The following LAP3 variants were observed in gnomAD, a reference collection of about 807,000 sequenced individuals.
LAP3 encodes leucine aminopeptidase 3, also known as cytosol aminopeptidase.
A neutral mutation model predicts 58.8 loss-of-function variants in LAP3; 46 were observed. That is an observed-to-expected ratio of 0.78 (90% CI 0.62 to 1.00). The LOEUF is 1.00. LAP3 is among the 50% of genes least tolerant of loss of function. The pLI is 0.00. For missense variants in LAP3, 615 were observed against 659.1 expected (o/e 0.93, Z 0.73); for synonymous variants, 257 against 237.7 (o/e 1.08, Z -0.75).
At chr4:17,603,303 G>C (rs1714025272) in intron 10 of LAP3, among the ~76,000 whole-genome samples, 1 of 151,860 alleles carries the variant, frequency 6.6e-6, no homozygotes, top group Non-Finnish European at 1.5e-5. Flanking sequence ...GCAAGACTCT[G>C]TCTCAAAAAA....
Position 17,584,991 on chromosome 4 carries a change from C to G in LAP3, c.559C>G (p.Gln187Glu). ...LYGSGDQEAW[Q>E]KGVLFASGQN... Reference sequence around the variant, plus strand: ...TGCCAGTGGGGATCAGGAGGCCTGGCAGAAAGGAGTCCTGTTTGCTTCTGG... The same window carrying G: ...TGCCAGTGGGGATCAGGAGGCCTGGGAGAAAGGAGTCCTGTTTGCTTCTGG... The change falls in exon 6 of 13, where the codon CAG becomes GAG. Residue 187 changes from glutamine (Q) to glutamate (E), a missense_variant. By Grantham distance (29) the Gln-to-Glu change is conservative. Coordinates refer to ENST00000226299, the MANE Select transcript of LAP3 (RefSeq NM_015907.3). 6.2e-7 allele frequency: 1 copy of G among 1,613,898 alleles called. No homozygotes were observed. Among genetic ancestry groups the G allele is most frequent in the Non-Finnish European group, 8.5e-7 (1 of 1,179,914 alleles).
chr4:17,589,810 G>A (rs1158134757), intron 7 of LAP3, among the ~76,000 whole-genome samples: 1 of 152,214 alleles, frequency 6.6e-6, no homozygotes, highest in Non-Finnish European at 1.5e-5. Context: ...CTCTGTGGCT[G>A]TTAAAGATTC....
chr4:17,593,197 C>T (rs1026111093), intron 7 of LAP3, among the ~76,000 whole-genome samples: 1 of 152,126 alleles, frequency 6.6e-6, no homozygotes, highest in Admixed American at 6.5e-5. Context: ...GTTGGCTTTA[C>T]AGAATTGTAA....
intron 6 of LAP3, 111 bp downstream of exon 6, chr4:17,585,247 T>A: frequency 1.2e-6 from 1 of 864,260 alleles, no homozygotes; most frequent in Non-Finnish European, 1.8e-6. Flanking sequence ...ACCAGAGATT[T>A]GAGATGACCC....
chr4:17,579,786 C>G (rs762572684), intron 1 of LAP3, 38 bp from the exon 2 acceptor site: 2 of 1,209,656 alleles, frequency 1.7e-6, no homozygotes, highest in East Asian at 2.4e-5. Flanking sequence ...GGGATCTACT[C>G]TAATTCTATT....
chr4:17,581,669 A>G (rs1370435914), intron 2 of LAP3, 91 bp from the exon 3 acceptor site: 13 of 887,826 alleles, frequency 1.5e-5, no homozygotes, highest in Non-Finnish European at 2.4e-5. Context: ...AGTTAGCAGA[A>G]TAGTGTGATA....
intron 11 of LAP3, 81 bp downstream of exon 11, chr4:17,604,748 C>T: frequency 9.1e-7 from 1 of 1,100,372 alleles, no homozygotes; most frequent in South Asian, 1.3e-5. Context: ...CTTCTTCAAC[C>T]CTGTGTTAAA....
intron 7 of LAP3, 128 bp from the exon 8 acceptor site, chr4:17,595,282 C>T (rs1353164666): frequency 3.1e-6 from 3 of 970,108 alleles, no homozygotes; most frequent in African/African-American, 1.6e-5. Context: ...TCGTGATCCG[C>T]CCACCTCGGC....
chr4:17,606,501 G>C (rs1160152541), intron 11 of LAP3, among the ~76,000 whole-genome samples: 1 of 152,068 alleles, frequency 6.6e-6, no homozygotes, highest in Non-Finnish European at 1.5e-5. Context: ...ACCACGCCCA[G>C]CTAATTTTTT....
chr4:17,601,036 A>G (rs1207768143), intron 10 of LAP3, among the ~76,000 whole-genome samples: 4 of 152,220 alleles, frequency 2.6e-5, no homozygotes, highest in Non-Finnish European at 5.9e-5. Context: ...TTGTAGGAAC[A>G]GTGACATATT....
At chr4:17,583,029 T>C (rs1713404398) in intron 4 of LAP3, among the ~76,000 whole-genome samples, 1 of 152,270 alleles carries the variant, frequency 6.6e-6, no homozygotes, top group Non-Finnish European at 1.5e-5. Flanking sequence ...TAATAACTTT[T>C]GAGAGTTTTT....
At position 17,577,483 on chromosome 4, in the gene LAP3, T is replaced by TC; in HGVS notation, c.20dup (p.Ala8GlyfsTer41). On this transcript the variant is annotated frameshift_variant, in exon 1 of 13. Transcript: ENST00000226299. LOFTEE classifies it high-confidence loss of function. ...CCGACAAGATGTTCTTGCTGCCTCT[T>TC]CCGGCTGCGGGGCGAGTAGTCGTCC... 6.3e-7 allele frequency: 1 copy of TC among 1,581,292 alleles called. No individual in the cohort carries two copies. Among genetic ancestry groups the TC allele is most frequent in the South Asian group, 1.2e-5 (1 of 86,628 alleles).
chr4:17,585,032 C>G lies in LAP3; in HGVS notation c.600C>G (p.Arg200=). The change falls in exon 6 of 13, where the codon CGC becomes CGG. Residue 200 remains arginine (R), a synonymous_variant. Coordinates refer to ENST00000226299, the MANE Select transcript of LAP3 (RefSeq NM_015907.3). ...VLFASGQNLA[R]QLMETPANEM... ...TTGCTTCTGGGCAGAACTTGGCACG[C>G]CAATTGATGGAGACGCCAGCCAATG... 1 of 1,614,066 alleles carries G rather than the reference C, an allele frequency of 6.2e-7. No homozygotes were observed. Among genetic ancestry groups the G allele is most frequent in the South Asian group, 1.1e-5 (1 of 91,066 alleles).
At chr4:17,583,418 C>G in intron 4 of LAP3, 65 bp from the exon 5 acceptor site, 2 of 1,577,484 alleles carry the variant, frequency 1.3e-6, no homozygotes, top group Non-Finnish European at 1.7e-6. Flanking sequence ...CATCATGCCT[C>G]TGCTGTCTGC....
At chr4:17,579,698 T>G (rs1713299989) in intron 1 of LAP3, 126 bp from the exon 2 acceptor site, 2 of 527,978 alleles carry the variant, frequency 3.8e-6, no homozygotes, top group Non-Finnish European at 6.6e-6. Context: ...TTTTGCTTTC[T>G]TCTGTCCATG....
intron 10 of LAP3, among the ~76,000 whole-genome samples, chr4:17,600,952 A>G (rs1430552235): frequency 2.6e-5 from 4 of 152,222 alleles, no homozygotes; most frequent in Admixed American, 6.5e-5. Context: ...GTTGATGTCC[A>G]TGGCCCAGTA....
chr4:17,593,597 G>T (rs557983526), intron 7 of LAP3, among the ~76,000 whole-genome samples: 13 of 132,832 alleles, frequency 9.8e-5, no homozygotes, highest in Non-Finnish European at 1.4e-4. Context: ...ATACATTTTA[G>T]AATCTGCTTG....
chr4:17,581,058 TG>T (rs1347578718), intron 2 of LAP3, among the ~76,000 whole-genome samples: 1 of 152,250 alleles, frequency 6.6e-6, no homozygotes, highest in Non-Finnish European at 1.5e-5. Context: ...ACAGAACGCC[TG>T]CCTTGCTAAT....
At chr4:17,582,219 T>C in intron 3 of LAP3, 69 bp from the exon 4 acceptor site, 1 of 1,272,652 alleles carries the variant, frequency 7.9e-7, no homozygotes. Context: ...TCTCCACATG[T>C]AGAATTCCTT....
Sources: gnomAD v4.1 joint callset for allele counts (sites outside exome capture counted in the v4.1 genomes callset) on GRCh38, gnomAD v4.1.1 for gene constraint, MANE v1.5 for transcripts, NCBI Gene and HGNC (gene_info 2026-07-23, HGNC 2026-07-21) for gene names.